Variants in DOCK3 observed in about 807,000 individuals in gnomAD.
The protein encoded by DOCK3 is dedicator of cytokinesis protein 3.
A neutral mutation model predicts 265.6 loss-of-function variants in DOCK3; 60 were observed. The observed-to-expected ratio is 0.23, with a 90% CI of 0.18 to 0.28. The LOEUF (loss-of-function observed/expected upper bound fraction) is 0.28, where lower values mean the gene tolerates loss of function less well. Among genes scored for constraint, DOCK3 ranks in the 10% least tolerant of loss-of-function variants. DOCK3 has a pLI of 1.00. For synonymous variants in DOCK3, 881 were observed against 938.0 expected, an observed-to-expected ratio of 0.94 and a Z score of 1.11; for missense variants, 1,981 against 2,594.3, an observed-to-expected ratio of 0.76 and a Z score of 5.14.
intron 22 of DOCK3, among the ~76,000 whole-genome samples, chr3:51,256,632 T>C (rs1433514104): frequency 6.6e-6 from 1 of 151,486 alleles, no homozygotes; most frequent in African/African-American, 2.4e-5. Context: ...TCACTCTTGT[T>C]GTGCAGGCTG....
intron 12 of DOCK3, among the ~76,000 whole-genome samples, chr3:51,194,665 T>C (rs1462122226): frequency 6.6e-6 from 1 of 152,124 alleles, no homozygotes; most frequent in Non-Finnish European, 1.5e-5. Context: ...TGACCTTCTT[T>C]GTTTCTTTTT....
intron 10 of DOCK3, among the ~76,000 whole-genome samples, chr3:51,156,560 TAAG>T (rs2085860493): frequency 6.6e-6 from 1 of 152,258 alleles, no homozygotes; most frequent in African/African-American, 2.4e-5. Context: ...CTATATTTAA[TAAG>T]ATAGCTTTTA....
intron 23 of DOCK3, among the ~76,000 whole-genome samples, chr3:51,267,440 A>G (rs1036761635): frequency 2.7e-5 from 4 of 149,584 alleles, no homozygotes; most frequent in Non-Finnish European, 4.4e-5. Flanking sequence ...GCTGGAGTGC[A>G]ATGGAGCGAT....
chr3:50,779,187 A>G (rs914267419), intron 2 of DOCK3, among the ~76,000 whole-genome samples: 7 of 152,102 alleles, frequency 4.6e-5, no homozygotes, highest in Non-Finnish European at 1.5e-5. Flanking sequence ...TGTGCTATCA[A>G]ATACTAGATC....
rs569229162 is a variant in DOCK3 at position 51,122,746 on chromosome 3, G to A, written c.747-23803G>A. Reference sequence around the variant, plus strand: ...AATGGAAAAAGTGGAAAAGGAAATGGAGGGATTGGCTTGCAGCCAGCTTCC... The same window carrying A: ...AATGGAAAAAGTGGAAAAGGAAATGAAGGGATTGGCTTGCAGCCAGCTTCC... On this transcript the variant is annotated intron_variant, in intron 9 of 52. Transcript: ENST00000266037. Among the ~76,000 whole-genome samples the A allele has an allele frequency of 5.3e-5, 8 of 152,356 alleles. No homozygotes were observed. In the South Asian group the frequency reaches 1.7e-3, roughly 32 times the overall value.
At chr3:50,811,564 G>A (rs2043759491) in intron 2 of DOCK3, among the ~76,000 whole-genome samples, 1 of 152,146 alleles carries the variant, frequency 6.6e-6, no homozygotes, top group Non-Finnish European at 1.5e-5. Flanking sequence ...TCAGATATTG[G>A]CACAGATATG....
At chr3:51,179,552 A>G (rs1247319240) in intron 12 of DOCK3, among the ~76,000 whole-genome samples, 1 of 152,224 alleles carries the variant, frequency 6.6e-6, no homozygotes, top group Non-Finnish European at 1.5e-5. Context: ...TAAAGCAGGT[A>G]TAGATAAAAA....
At chr3:51,314,036 C>G (rs2083235363) in intron 31 of DOCK3, among the ~76,000 whole-genome samples, 3 of 152,186 alleles carry the variant, frequency 2.0e-5, no homozygotes, top group South Asian at 4.1e-4. Flanking sequence ...ATGACATTCT[C>G]TGGTCCCCAA....
intron 2 of DOCK3, among the ~76,000 whole-genome samples, chr3:50,790,346 T>C (rs1199296961): frequency 6.6e-6 from 1 of 152,190 alleles, no homozygotes; most frequent in Non-Finnish European, 1.5e-5. Context: ...TTCATCATTG[T>C]GGTTGTTGCC....
At chr3:50,901,754 G>A (rs1054823413) in intron 4 of DOCK3, 14 of 449,364 alleles carry the variant, frequency 3.1e-5, no homozygotes, top group Admixed American at 7.1e-5. Context: ...CTCTTGCTGG[G>A]TGAGGCGACA....
At chr3:51,337,885 T>C (rs1200501307) in intron 35 of DOCK3, among the ~76,000 whole-genome samples, 2 of 152,094 alleles carry the variant, frequency 1.3e-5, no homozygotes, top group African/African-American at 2.4e-5. Flanking sequence ...AAGGAAACCA[T>C]AGGGAGAAAT....
chr3:51,322,355 A>C (rs955851118), intron 32 of DOCK3, among the ~76,000 whole-genome samples: 1 of 152,092 alleles, frequency 6.6e-6, no homozygotes, highest in African/African-American at 2.4e-5. Flanking sequence ...GGTGCCTGCC[A>C]CTATGCCCGG....
intron 5 of DOCK3, among the ~76,000 whole-genome samples, chr3:51,053,427 T>C (rs1435930795): frequency 8.4e-6 from 1 of 118,422 alleles, no homozygotes. Context: ...TGTATCACTA[T>C]TTTTTTTTTT....
rs550841565 is a variant in DOCK3, at chr3:51,300,858, G to A, written c.2923-9374G>A. ...TGTTCATCAGGGATATTGGCCTGAA[G>A]TTTTCTTTTTCTTATTGTATCTCTA... is the stretch of plus-strand genomic sequence containing the variant. On this transcript the variant is annotated intron_variant, in intron 27 of 52. Coordinates refer to ENST00000266037, the MANE Select transcript of DOCK3 (RefSeq NM_004947.5). 3.9e-5 allele frequency among the ~76,000 whole-genome samples: 6 copies of A among 152,176 alleles called. No individual in the cohort carries two copies. The East Asian group carries it at 9.7e-4, about 25-fold the overall frequency.
chr3:50,726,346 G>A (rs2037823208), intron 1 of DOCK3, among the ~76,000 whole-genome samples: 1 of 152,152 alleles, frequency 6.6e-6, no homozygotes. Context: ...TCTAGGAAGG[G>A]AGAGACTGGG....
chr3:51,221,340 C>T (rs1028592396), intron 14 of DOCK3, among the ~76,000 whole-genome samples: 1 of 152,152 alleles, frequency 6.6e-6, no homozygotes, highest in African/African-American at 2.4e-5. Context: ...CACACATAAA[C>T]GTTCCCAGCC....
chr3:51,288,391 CAAAAAAAA>C (rs35390396), intron 27 of DOCK3, among the ~76,000 whole-genome samples: 2 of 87,194 alleles, frequency 2.3e-5, no homozygotes, highest in South Asian at 8.1e-4. Context: ...GACTCCGTCT[CAAAAAAAA>C]AAAAAAAAAA....
chr3:50,711,954 G>A (rs1281392195), intron 1 of DOCK3, among the ~76,000 whole-genome samples: 1 of 152,028 alleles, frequency 6.6e-6, no homozygotes. Context: ...CTGATTTGGT[G>A]TACAGTTGTC....
At chr3:50,751,115 G>A (rs1252425851) in intron 1 of DOCK3, among the ~76,000 whole-genome samples, 1 of 152,138 alleles carries the variant, frequency 6.6e-6, no homozygotes, top group East Asian at 1.9e-4. Flanking sequence ...AGTATGTATA[G>A]GATTGATGAT....
Sources: gnomAD v4.1 joint callset for allele counts (sites outside exome capture counted in the v4.1 genomes callset) on GRCh38, gnomAD v4.1.1 for gene constraint, MANE v1.5 for transcripts, NCBI Gene and HGNC (gene_info 2026-07-23, HGNC 2026-07-21) for gene names.